Variants in NKAIN2 observed in about 807,000 individuals in gnomAD.
The protein encoded by NKAIN2 is sodium/potassium transporting ATPase interacting 2.
Under a neutral mutation model 32.6 loss-of-function variants are expected in NKAIN2, and 14 were observed. That is an observed-to-expected ratio of 0.43 (90% confidence interval 0.28 to 0.67). The LOEUF (loss-of-function observed/expected upper bound fraction) is 0.67. NKAIN2 is among the 30% of genes least tolerant of loss of function. The probability of loss-of-function intolerance (pLI) is 0.17; values close to 1 mark genes in which losing one functional copy is unlikely to be tolerated. For synonymous variants in NKAIN2, 80 were observed against 87.2 expected (o/e 0.92, Z 0.46); for missense variants, 198 against 258.3 (o/e 0.77, Z 1.60).
intron 1 of NKAIN2, among the ~76,000 whole-genome samples, chr6:124,123,842 G>C (rs1295464119): frequency 6.6e-6 from 1 of 152,052 alleles, no homozygotes; most frequent in Non-Finnish European, 1.5e-5. Flanking sequence ...AGATACCACT[G>C]CATTTTAAAA....
At chr6:123,829,667 G>T (rs190899286) in intron 1 of NKAIN2, among the ~76,000 whole-genome samples, 1 of 152,254 alleles carries the variant, frequency 6.6e-6, no homozygotes, top group Admixed American at 6.5e-5. Flanking sequence ...ATGCAGAGGG[G>T]TGGGGAGGTT....
chr6:123,919,667 AG>A (rs1775658953), intron 1 of NKAIN2, among the ~76,000 whole-genome samples: 1 of 152,092 alleles, frequency 6.6e-6, no homozygotes, highest in African/African-American at 2.4e-5. Context: ...ATATAGTTTG[AG>A]TGGATTCCAT....
chr6:124,224,070 C>T (rs1791977080), intron 1 of NKAIN2, among the ~76,000 whole-genome samples: 1 of 152,114 alleles, frequency 6.6e-6, no homozygotes, highest in African/African-American at 2.4e-5. Context: ...GAGTCAAGAA[C>T]AAGATGACAA....
chr6:123,890,433 C>T (rs1197039285), intron 1 of NKAIN2, among the ~76,000 whole-genome samples: 1 of 151,912 alleles, frequency 6.6e-6, no homozygotes, highest in Admixed American at 6.6e-5. Flanking sequence ...GGACCAAAAT[C>T]AGTAATGGGG....
At chr6:124,647,325 C>T (rs1198035564) in intron 3 of NKAIN2, among the ~76,000 whole-genome samples, 5 of 151,262 alleles carry the variant, frequency 3.3e-5, no homozygotes, top group Non-Finnish European at 5.9e-5. Context: ...GGCAGGCAGA[C>T]CACTTGAGGT....
chr6:124,556,052 T>G (rs1780461780), intron 3 of NKAIN2, among the ~76,000 whole-genome samples: 1 of 148,910 alleles, frequency 6.7e-6, no homozygotes, highest in Non-Finnish European at 1.5e-5. Flanking sequence ...TCTCCTTCAA[T>G]TATTTTGCCC....
At chr6:124,612,084 T>C (rs1235835966) in intron 3 of NKAIN2, among the ~76,000 whole-genome samples, 1 of 152,092 alleles carries the variant, frequency 6.6e-6, no homozygotes, top group Admixed American at 6.6e-5. Flanking sequence ...TTTATGTTTT[T>C]AAATAAATAT....
chr6:124,103,413 G>A (rs1317828186), intron 1 of NKAIN2, among the ~76,000 whole-genome samples: 2 of 152,132 alleles, frequency 1.3e-5, no homozygotes, highest in African/African-American at 4.8e-5. Flanking sequence ...TGTGCAATTT[G>A]AAAAACTACA....
chr6:124,298,172 A>AT (rs1796141034), intron 2 of NKAIN2, among the ~76,000 whole-genome samples: 1 of 152,158 alleles, frequency 6.6e-6, no homozygotes, highest in East Asian at 1.9e-4. Context: ...GAACTAAGAG[A>AT]TAAAAAAAAT....
chr6:123,913,190 C>T (rs968181453), intron 1 of NKAIN2, among the ~76,000 whole-genome samples: 4 of 152,108 alleles, frequency 2.6e-5, no homozygotes, highest in African/African-American at 9.7e-5. Context: ...AATTTCCTAA[C>T]ATGCCAAGAG....
At chr6:123,885,679 C>T (rs1773678571) in intron 1 of NKAIN2, among the ~76,000 whole-genome samples, 1 of 151,902 alleles carries the variant, frequency 6.6e-6, no homozygotes, top group Non-Finnish European at 1.5e-5. Context: ...TAAGGAAGTA[C>T]AAGAAAGAGA....
chr6:124,231,837 A>G (rs1265292203), intron 1 of NKAIN2, among the ~76,000 whole-genome samples: 2 of 140,526 alleles, frequency 1.4e-5, no homozygotes, highest in Non-Finnish European at 3.1e-5. Flanking sequence ...TTTTTTCTAG[A>G]TATATACTTC....
chr6:124,467,631 G>A lies in NKAIN2; in HGVS notation c.273+112284G>A, dbSNP rs188328659. Among the ~76,000 whole-genome samples, 418 of 152,124 alleles carry A rather than the reference G, an allele frequency of 2.7e-3. 2 individuals carry two copies. Among genetic ancestry groups the A allele is most frequent in the African/African-American group, 9.6e-3 (399 of 41,524 alleles). On this transcript the variant is annotated intron_variant, in intron 3 of 6. Transcript: ENST00000368417. ...TAGGGCAATTTAATGATCATTCATC[G>A]AAAGTTGTTATCTTTACATTAATAT... is the stretch of plus-strand genomic sequence containing the variant.
At chr6:124,363,634 T>G (rs1799391258) in intron 3 of NKAIN2, among the ~76,000 whole-genome samples, 1 of 152,176 alleles carries the variant, frequency 6.6e-6, no homozygotes, top group Admixed American at 6.5e-5. Context: ...TAGACTTTCA[T>G]GTGAAAAGAT....
At position 124,144,344 on chromosome 6, in the gene NKAIN2, T is replaced by C. The variant is rs187678659; in HGVS notation, c.55-138661T>C. Among the ~76,000 whole-genome samples, 27 of 152,324 alleles carry C rather than the reference T, an allele frequency of 1.8e-4. No homozygotes were observed. In the East Asian group the frequency reaches 5.0e-3, roughly 28 times the overall value. ...CAAATCCAGACCCAGTCATTAGTGG[T>C]AATGTCATCCATGAAAGAGGTGACA... On this transcript the variant is annotated intron_variant, in intron 1 of 6. Transcript: ENST00000368417.
chr6:124,682,929 G>T (rs1483399725), intron 4 of NKAIN2, among the ~76,000 whole-genome samples: 1 of 152,098 alleles, frequency 6.6e-6, no homozygotes, highest in African/African-American at 2.4e-5. Context: ...CGAGGAAGTG[G>T]CTCCCACAGC....
At chr6:124,182,996 T>C (rs916264394) in intron 1 of NKAIN2, among the ~76,000 whole-genome samples, 6 of 152,128 alleles carry the variant, frequency 3.9e-5, no homozygotes, top group African/African-American at 1.4e-4. Context: ...ATGTGAAAGA[T>C]GTATTTTTGT....
intron 2 of NKAIN2, among the ~76,000 whole-genome samples, chr6:124,306,106 AT>A (rs1228545545): frequency 6.6e-6 from 1 of 152,218 alleles, no homozygotes; most frequent in Non-Finnish European, 1.5e-5. Flanking sequence ...GAGGAAAAGC[AT>A]TTTGAAATAG....
intron 1 of NKAIN2, among the ~76,000 whole-genome samples, chr6:124,240,353 C>T (rs1371367475): frequency 6.6e-6 from 1 of 152,094 alleles, no homozygotes; most frequent in East Asian, 1.9e-4. Context: ...TGAAACTATT[C>T]CAAACATTAG....
Sources: gnomAD v4.1 joint callset for allele counts (sites outside exome capture counted in the v4.1 genomes callset) on GRCh38, gnomAD v4.1.1 for gene constraint, MANE v1.5 for transcripts, NCBI Gene and HGNC (gene_info 2026-07-23, HGNC 2026-07-21) for gene names.